Variants in AFF3 observed in about 807,000 individuals in gnomAD.
AFF3 encodes AF4/FMR2 family member 3.
Under a neutral mutation model 129.7 loss-of-function variants are expected in AFF3, and 32 were observed. The observed-to-expected ratio is 0.25, with a 90% confidence interval of 0.19 to 0.33. The LOEUF (loss-of-function observed/expected upper bound fraction) is 0.33, where lower values mean the gene tolerates loss of function less well. Ranked by LOEUF, AFF3 falls within the 10% of genes least tolerant of loss-of-function variation. The pLI is 1.00. For missense variants in AFF3, 1,373 were observed against 1,592.0 expected, an observed-to-expected ratio of 0.86 and a Z score of 2.34; for synonymous variants, 644 against 635.4, an observed-to-expected ratio of 1.01 and a Z score of -0.20.
chr2:100,048,915 A>C (rs1033825591), intron 4 of AFF3, among the ~76,000 whole-genome samples: 1 of 152,200 alleles, frequency 6.6e-6, no homozygotes, highest in African/African-American at 2.4e-5. Context: ...TCCCACCTTA[A>C]TATATAAAAA....
At chr2:100,027,161 C>A (rs1003156456) in intron 4 of AFF3, among the ~76,000 whole-genome samples, 1 of 152,124 alleles carries the variant, frequency 6.6e-6, no homozygotes, top group Non-Finnish European at 1.5e-5. Flanking sequence ...TAATCCCAAC[C>A]AAACTCCAGG....
chr2:99,634,598 G>T (rs1169402784), intron 13 of AFF3, among the ~76,000 whole-genome samples: 2 of 152,166 alleles, frequency 1.3e-5, no homozygotes, highest in East Asian at 1.9e-4. Context: ...ATTTTCAAAT[G>T]CTAGTGAATA....
chr2:99,717,795 T>C (rs1394101067), intron 11 of AFF3, among the ~76,000 whole-genome samples: 6 of 152,246 alleles, frequency 3.9e-5, no homozygotes, highest in Non-Finnish European at 7.3e-5. Flanking sequence ...GTTGTAAAGA[T>C]ACTGTCTTCT....
chr2:99,651,041 C>T (rs941820789), intron 12 of AFF3, among the ~76,000 whole-genome samples: 1 of 151,724 alleles, frequency 6.6e-6, no homozygotes, highest in Non-Finnish European at 1.5e-5. Context: ...GGCATGGTGG[C>T]ACATGTCTGT....
intron 1 of AFF3, among the ~76,000 whole-genome samples, chr2:100,135,811 G>C (rs1314076249): frequency 6.6e-6 from 1 of 152,194 alleles, no homozygotes; most frequent in Non-Finnish European, 1.5e-5. Flanking sequence ...ACAGTGTGAA[G>C]GAGGGAGAGT....
rs368703010 is a variant in AFF3 at position 99,554,449 on chromosome 2, C to A, written c.3421G>T (p.Ala1141Ser). The change falls in exon 24 of 25, where the codon GCC becomes TCC. Residue 1141 changes from alanine (A) to serine (S), a missense_variant. Physicochemically the swap from Ala to Ser is moderately conservative, Grantham distance 99. This residue lies in a region of AFF3 where 165 missense variants were observed against 234.0 expected (regional missense o/e 0.71). Coordinates refer to ENST00000672756, the MANE Select transcript of AFF3 (RefSeq NM_001386135.1). Reference protein sequence around the residue: ...GSQGSLSNASALSPSTIVSIP... With the variant: ...GSQGSLSNASSLSPSTIVSIP... ...CTGACGATGGTCGACGGGGACAGGGCGCTGGCGTTGGAGAGGCTGCCCTGA... is the reference window on the plus strand; with the variant it reads ...CTGACGATGGTCGACGGGGACAGGGAGCTGGCGTTGGAGAGGCTGCCCTGA... The A allele has an allele frequency of 5.6e-6, 9 of 1,613,858 alleles. No individual in the cohort carries two copies. The highest frequency in any genetic ancestry group is 1.6e-4 in the Middle Eastern group (1 of 6,084).
intron 7 of AFF3, among the ~76,000 whole-genome samples, chr2:99,927,339 A>C (rs2106279459): frequency 6.6e-6 from 1 of 152,304 alleles, no homozygotes; most frequent in Admixed American, 6.5e-5. Context: ...AATGCCCATC[A>C]ATGATAGACT....
chr2:99,777,963 A>AAAAAAAAAAAAAAAAC (rs1684063515), intron 8 of AFF3, among the ~76,000 whole-genome samples: 1 of 151,696 alleles, frequency 6.6e-6, no homozygotes, highest in Non-Finnish European at 1.5e-5. Flanking sequence ...AAAAAAAAAA[A>AAAAAAAAAAAAAAAAC]AAAAAAAACA....
At chr2:99,716,590 A>G (rs917349140) in intron 11 of AFF3, among the ~76,000 whole-genome samples, 1 of 151,802 alleles carries the variant, frequency 6.6e-6, no homozygotes, top group Non-Finnish European at 1.5e-5. Flanking sequence ...AACTATATAT[A>G]TATATATATA....
At position 99,594,242 on chromosome 2, in the gene AFF3, G is replaced by A. The variant is rs754386659; in HGVS notation, c.1419C>T (p.Asn473=). The A allele has an allele frequency of 3.7e-6, 6 of 1,613,016 alleles. No individual in the cohort carries two copies. The highest frequency in any genetic ancestry group is 5.1e-6 in the Non-Finnish European group (6 of 1,179,326). ...SNKWQLDKWL[N]KVNPHKPPIL... Reference sequence around the variant, plus strand: ...TAGGAGGCTTGTGGGGATTAACTTTGTTTAGCCATTTATCCAGCTGCCACT... The same window carrying A: ...TAGGAGGCTTGTGGGGATTAACTTTATTTAGCCATTTATCCAGCTGCCACT... The change falls in exon 15 of 25, where the codon AAC becomes AAT. Residue 473 remains asparagine (N), a synonymous_variant. Transcript: ENST00000672756.
rs116233038 is a variant in AFF3, at chr2:99,739,462, C to T, written c.1039+4642G>A. Among the ~76,000 whole-genome samples the T allele has an allele frequency of 2.3e-3, 347 of 152,194 alleles. 1 individual carries two copies. Among genetic ancestry groups the T allele is most frequent in the African/African-American group, 7.5e-3 (311 of 41,482 alleles). ...GATTCTGAAGGAAGGGGAAGGATTG[C>T]TTAAATGCAGTCACTCAACTGAACA... On this transcript the variant is annotated intron_variant, in intron 10 of 24. Transcript: ENST00000672756.
chr2:99,656,446 A>T (rs1203869257), intron 12 of AFF3, among the ~76,000 whole-genome samples: 1 of 152,200 alleles, frequency 6.6e-6, no homozygotes, highest in Non-Finnish European at 1.5e-5. Context: ...TACTTGAATA[A>T]ACGCCCTTGC....
At chr2:99,982,351 G>C (rs1208372480) in intron 7 of AFF3, among the ~76,000 whole-genome samples, 1 of 152,178 alleles carries the variant, frequency 6.6e-6, no homozygotes, top group Non-Finnish European at 1.5e-5. Context: ...CTCTTTGCCT[G>C]CTGCCATCCA....
intron 7 of AFF3, among the ~76,000 whole-genome samples, chr2:99,963,596 A>G (rs1157337778): frequency 2.0e-5 from 3 of 152,032 alleles, no homozygotes; most frequent in African/African-American, 4.8e-5. Context: ...GATACCACTA[A>G]GAAAAGTATA....
intron 8 of AFF3, among the ~76,000 whole-genome samples, chr2:99,828,349 G>A (rs942649204): frequency 1.3e-5 from 2 of 152,150 alleles, no homozygotes; most frequent in Non-Finnish European, 2.9e-5. Flanking sequence ...TCCTGCCCTG[G>A]CAGTGAGATC....
At chr2:99,833,157 G>A (rs190147309) in intron 8 of AFF3, among the ~76,000 whole-genome samples, 24 of 152,334 alleles carry the variant, frequency 1.6e-4, no homozygotes, top group Non-Finnish European at 2.4e-4. Context: ...CTGTACATGT[G>A]AGGGGCTATC....
intron 4 of AFF3, among the ~76,000 whole-genome samples, chr2:100,081,029 C>A (rs956600125): frequency 1.1e-3 from 171 of 152,162 alleles, no homozygotes; most frequent in African/African-American, 4.0e-3. Context: ...AGATCTGATG[C>A]TTCTAAGTTT....
At chr2:99,743,754 CCACT>C (rs771903803) in intron 10 of AFF3, among the ~76,000 whole-genome samples, 1 of 151,944 alleles carries the variant, frequency 6.6e-6, no homozygotes, top group Non-Finnish European at 1.5e-5. Flanking sequence ...TTTTCTTTGC[CCACT>C]CATTTTCCTT....
intron 4 of AFF3, among the ~76,000 whole-genome samples, chr2:100,017,158 T>C (rs1255045011): frequency 6.6e-6 from 1 of 152,082 alleles, no homozygotes; most frequent in Non-Finnish European, 1.5e-5. Context: ...ATATAACAAA[T>C]TCTTAAATCC....
Sources: gnomAD v4.1 joint callset for allele counts (sites outside exome capture counted in the v4.1 genomes callset) on GRCh38, gnomAD v4.1.1 for gene constraint, gnomAD v4.1.1 regional missense constraint, MANE v1.5 for transcripts, NCBI Gene and HGNC (gene_info 2026-07-23, HGNC 2026-07-21) for gene names.